The following RORB variants were observed in gnomAD, a reference collection of about 807,000 sequenced individuals.
RORB encodes RAR related orphan receptor B.
A neutral mutation model predicts 59.1 loss-of-function variants in RORB; 6 were observed. The observed-to-expected ratio is 0.10, with a 90% CI of 0.06 to 0.20. RORB has a LOEUF of 0.20. Among genes scored for constraint, RORB ranks in the 10% least tolerant of loss-of-function variants. The pLI, the probability that RORB is intolerant of heterozygous loss-of-function variation, is 1.00. For missense variants in RORB, 320 were observed against 560.5 expected, an observed-to-expected ratio of 0.57 and a Z score of 4.33; for synonymous variants, 215 against 204.5, an observed-to-expected ratio of 1.05 and a Z score of -0.44.
At chr9:74,663,477 A>G (rs988727077) in intron 6 of RORB, among the ~76,000 whole-genome samples, 3 of 152,370 alleles carry the variant, frequency 2.0e-5, no homozygotes, top group South Asian at 4.1e-4. Context: ...TATAACTGTT[A>G]TTCTAAGATC....
intron 1 of RORB, among the ~76,000 whole-genome samples, chr9:74,608,690 G>GA (rs1823187983): frequency 5.3e-5 from 3 of 56,904 alleles, no homozygotes; most frequent in Non-Finnish European, 1.5e-4. Context: ...AACTGTGAAT[G>GA]GTTTTTATAA....
intron 4 of RORB, among the ~76,000 whole-genome samples, chr9:74,659,749 C>A (rs1276099783): frequency 6.6e-6 from 1 of 151,870 alleles, no homozygotes; most frequent in African/African-American, 2.4e-5. Context: ...TTAAGGAGAG[C>A]TCTTATGTCT....
intron 1 of RORB, among the ~76,000 whole-genome samples, chr9:74,533,890 G>T (rs1007786275): frequency 6.6e-6 from 1 of 151,934 alleles, no homozygotes; most frequent in Non-Finnish European, 1.5e-5. Context: ...TGTGCATTAG[G>T]GGTTGGTAAA....
At chr9:74,600,338 T>C (rs983604863) in intron 1 of RORB, among the ~76,000 whole-genome samples, 1 of 152,262 alleles carries the variant, frequency 6.6e-6, no homozygotes, top group African/African-American at 2.4e-5. Flanking sequence ...TCAGACGTGA[T>C]GGTGTCTTTA....
chr9:74,531,100 T>C (rs1314043279), intron 1 of RORB, among the ~76,000 whole-genome samples: 1 of 152,040 alleles, frequency 6.6e-6, no homozygotes. Flanking sequence ...ATTTATGTCA[T>C]GAAAAAGCCT....
chr9:74,628,034 C>A (rs189975035), intron 1 of RORB, among the ~76,000 whole-genome samples: 1 of 152,238 alleles, frequency 6.6e-6, no homozygotes, highest in Admixed American at 6.5e-5. Context: ...TTGAACCTCA[C>A]AAATCTATGA....
At chr9:74,539,045 C>A (rs34921586) in intron 1 of RORB, among the ~76,000 whole-genome samples, 2 of 151,912 alleles carry the variant, frequency 1.3e-5, no homozygotes, top group South Asian at 2.1e-4. Context: ...CACTCCCTGC[C>A]CCACTTATGA....
intron 1 of RORB, among the ~76,000 whole-genome samples, chr9:74,563,982 T>C (rs1429778168): frequency 6.6e-6 from 1 of 152,234 alleles, no homozygotes; most frequent in Non-Finnish European, 1.5e-5. Flanking sequence ...GGCAAGAGAA[T>C]GCAGCTGTAG....
intron 9 of RORB, among the ~76,000 whole-genome samples, chr9:74,676,016 A>G (rs1331392482): frequency 6.6e-6 from 1 of 152,210 alleles, no homozygotes; most frequent in Non-Finnish European, 1.5e-5. Context: ...CCAGAGGTGC[A>G]GAGGGTAGAG....
intron 1 of RORB, among the ~76,000 whole-genome samples, chr9:74,610,242 C>T (rs966054904): frequency 1.6e-4 from 24 of 152,158 alleles, no homozygotes; most frequent in Non-Finnish European, 5.9e-5. Context: ...CCCAAAATTT[C>T]GTGCTAAATT....
chr9:74,544,736 G>A (rs1235047926), intron 1 of RORB, among the ~76,000 whole-genome samples: 1 of 152,186 alleles, frequency 6.6e-6, no homozygotes, highest in Non-Finnish European at 1.5e-5. Flanking sequence ...TCTCCTTCGT[G>A]TGCACAGGAA....
intron 1 of RORB, among the ~76,000 whole-genome samples, chr9:74,581,519 A>G (rs1478261895): frequency 6.6e-6 from 1 of 152,198 alleles, no homozygotes; most frequent in Non-Finnish European, 1.5e-5. Context: ...GATTGCCTTC[A>G]CAACCTCACC....
chr9:74,564,496 GCCCACCATTTT>G (rs1447855042), intron 1 of RORB, among the ~76,000 whole-genome samples: 2 of 152,112 alleles, frequency 1.3e-5, no homozygotes, highest in Admixed American at 6.5e-5. Context: ...TAACTCGCAA[GCCCACCATTTT>G]CTCCCATTTG....
At chr9:74,514,067 A>C (rs757275553) in intron 1 of RORB, among the ~76,000 whole-genome samples, 5 of 152,140 alleles carry the variant, frequency 3.3e-5, no homozygotes, top group Admixed American at 6.6e-5. Flanking sequence ...TCTTTGAAGA[A>C]CCCAGAATGA....
chr9:74,636,234 C>A lies in RORB; in HGVS notation c.235+1462C>A, dbSNP rs562885961. ...ATGGGAATCTGAGTTGATGACTTTG[C>A]ACTTCATTTCTACCATGTGGCAGTA... On this transcript the variant is annotated intron_variant, in intron 3 of 9. Coordinates refer to ENST00000376896, the MANE Select transcript of RORB (RefSeq NM_006914.4). Among the ~76,000 whole-genome samples the A allele has an allele frequency of 5.6e-4, 86 of 152,262 alleles. 1 individual carries two copies. Among genetic ancestry groups the A allele is most frequent in the Admixed American group, 2.5e-3 (38 of 15,280 alleles).
chr9:74,611,679 C>T (rs904675897), intron 1 of RORB, among the ~76,000 whole-genome samples: 4 of 152,066 alleles, frequency 2.6e-5, no homozygotes, highest in African/African-American at 9.7e-5. Context: ...GATGGAGTTT[C>T]GCTATTATTG....
chr9:74,539,690 AAATAAAGCTGGATAAGGG>A (rs1471003910), intron 1 of RORB, among the ~76,000 whole-genome samples: 1 of 152,166 alleles, frequency 6.6e-6, no homozygotes, highest in Non-Finnish European at 1.5e-5. Context: ...CTATGAAGAC[AAATAAAGCTGGATAAGGG>A]AATAAAGAAT....
intron 9 of RORB, among the ~76,000 whole-genome samples, chr9:74,682,792 A>G (rs577238944): frequency 1.3e-5 from 2 of 152,188 alleles, no homozygotes; most frequent in East Asian, 3.8e-4. Context: ...AAGTCTTGCT[A>G]TGTTGGCCAG....
chr9:74,665,608 T>C lies in RORB; in HGVS notation c.1000+13T>C. The C allele has an allele frequency of 6.6e-7, 1 of 1,520,050 alleles. No homozygotes were observed. Among genetic ancestry groups the C allele is most frequent in the Non-Finnish European group, 9.1e-7 (1 of 1,096,410 alleles). 94.2% of individuals were successfully genotyped at this position (1,520,050 alleles called of 1,614,324 possible). A position where few individuals can be genotyped will look rare whatever the true frequency, so the allele number is the denominator to read the frequency against. On this transcript the variant is annotated intron_variant, in intron 7 of 9. Coordinates refer to ENST00000376896, the MANE Select transcript of RORB (RefSeq NM_006914.4). ...TTCAAAGCCTTAGGTAAGTTTCCCT[T>C]TGATGAGGACACAATTTTATTAGCC...
Sources: allele counts gnomAD v4.1 joint callset (sites outside exome capture counted in the v4.1 genomes callset), GRCh38; gene constraint gnomAD v4.1.1; transcripts MANE v1.5; gene names NCBI Gene and HGNC (gene_info 2026-07-23, HGNC 2026-07-21).